KIF24: variants seen among roughly 807,000 people sequenced by gnomAD.
The protein encoded by KIF24 is kinesin family member 24.
KIF24 carries 81 observed loss-of-function variants against 118.9 expected under a neutral mutation model. That is an observed-to-expected ratio of 0.68 (90% CI 0.57 to 0.82). The LOEUF is 0.82. Among genes scored for constraint, KIF24 ranks in the 40% least tolerant of loss-of-function variants. The probability of loss-of-function intolerance (pLI) is 0.00; values close to 1 mark genes in which losing one functional copy is unlikely to be tolerated. For missense variants in KIF24, 1,560 were observed against 1,661.6 expected (o/e 0.94, Z 1.06); for synonymous variants, 599 against 610.0 (o/e 0.98, Z 0.27).
rs142364251 is a variant in KIF24 at position 34,320,379 on chromosome 9, C to T, written c.-26+8727G>A. ...AGAAAAGAAATAGGCTATAACCAGC[C>T]AGGCAGGGTGGCTCGTGCCTGTAAT... On this transcript the variant is annotated intron_variant, in intron 1 of 12. Coordinates refer to ENST00000402558, the MANE Select transcript of KIF24 (RefSeq NM_194313.4). Among the ~76,000 whole-genome samples the T allele has an allele frequency of 7.6e-3, 1,138 of 150,602 alleles. 17 individuals carry two copies. Among genetic ancestry groups the T allele is most frequent in the South Asian group, 0.048 (228 of 4,756 alleles).
chr9:34,311,407 G>C (rs1426452204), intron 1 of KIF24, 36 bp from the exon 2 acceptor site: 6 of 1,116,660 alleles, frequency 5.4e-6, no homozygotes, highest in Non-Finnish European at 6.2e-6. Context: ...GCTTGAAATA[G>C]AGTACATGTA....
At chr9:34,302,631 A>G (rs1025174619) in intron 3 of KIF24, among the ~76,000 whole-genome samples, 6 of 150,564 alleles carry the variant, frequency 4.0e-5, no homozygotes, top group Admixed American at 2.7e-4. Flanking sequence ...AGGCCCAGCT[A>G]ATTTTTGTAT....
Position 34,257,529 on chromosome 9 carries a change from C to A in KIF24, c.2078G>T (p.Gly693Val), listed in dbSNP as rs202009349. 6.2e-7 allele frequency: 1 copy of A among 1,614,060 alleles called. No homozygotes were observed. Among genetic ancestry groups the A allele is most frequent in the South Asian group, 1.1e-5 (1 of 91,088 alleles). The change falls in exon 11 of 13, where the codon GGC becomes GTC. Residue 693 changes from glycine (G) to valine (V), a missense_variant. Gly to Val is a moderately radical substitution (Grantham distance 109). Coordinates refer to ENST00000402558, the MANE Select transcript of KIF24 (RefSeq NM_194313.4). ...WESRASGPGEGLVRGKLSTKC... is the reference protein window; with the variant it reads ...WESRASGPGEVLVRGKLSTKC... ...GGTGGACAGCTTACCACGCACTAGG[C>A]CTTCTCCTGGGCCTGAGGCCCTGCT... is the stretch of plus-strand genomic sequence containing the variant.
chr9:34,266,573 G>A (rs1191117243), intron 8 of KIF24, among the ~76,000 whole-genome samples: 1 of 151,908 alleles, frequency 6.6e-6, no homozygotes, highest in African/African-American at 2.4e-5. Flanking sequence ...AGCTACTCGG[G>A]AGGCTGAGGC....
chr9:34,263,099 A>C lies in KIF24; in HGVS notation c.1515+2T>G, dbSNP rs772678896. ...AAACTCAAGGCTCACATTTAACTTT[A>C]CCTGAGTTAGTTTGCTTTGCCTGAA... On this transcript the variant is annotated splice_donor_variant, in intron 9 of 12. Transcript: ENST00000402558. LOFTEE classifies it high-confidence loss of function. 6.2e-7 allele frequency: 1 copy of C among 1,608,822 alleles called. No homozygotes were observed. The highest frequency in any genetic ancestry group is 1.1e-5 in the South Asian group (1 of 90,698).
chr9:34,286,583 G>A, intron 6 of KIF24, 34 bp downstream of exon 6: 1 of 1,423,882 alleles, frequency 7.0e-7, no homozygotes. Context: ...TTACACTGTT[G>A]TGGTGGGGTA....
At chr9:34,281,398 C>T (rs1835846407) in intron 6 of KIF24, among the ~76,000 whole-genome samples, 1 of 152,130 alleles carries the variant, frequency 6.6e-6, no homozygotes, top group Non-Finnish European at 1.5e-5. Flanking sequence ...AAAAAGGCTT[C>T]AGAGTGAGAT....
intron 1 of KIF24, chr9:34,319,150 G>C (rs1837431550): frequency 6.3e-7 from 1 of 1,590,856 alleles, no homozygotes; most frequent in Non-Finnish European, 8.6e-7. Flanking sequence ...ATGACAATGA[G>C]AAGGAAAAGC....
chr9:34,325,692 A>G (rs1341772140), intron 1 of KIF24, among the ~76,000 whole-genome samples: 4 of 152,190 alleles, frequency 2.6e-5, no homozygotes, highest in Non-Finnish European at 5.9e-5. Context: ...ACTATCTCAG[A>G]AAAAAATATA....
At chr9:34,316,881 C>T in intron 1 of KIF24, among the ~76,000 whole-genome samples, 1 of 151,098 alleles carries the variant, frequency 6.6e-6, no homozygotes, top group Non-Finnish European at 1.5e-5. Flanking sequence ...ACCAGCCTGG[C>T]CAGCCTGGTG....
intron 4 of KIF24, among the ~76,000 whole-genome samples, chr9:34,293,461 C>T (rs1466759829): frequency 8.5e-6 from 1 of 117,108 alleles, no homozygotes; most frequent in Non-Finnish European, 1.7e-5. Context: ...GCCTGAGTGT[C>T]AGTGAGACTC....
chr9:34,292,029 C>A lies in KIF24; in HGVS notation c.912-1640G>T, dbSNP rs116946785. Among the ~76,000 whole-genome samples the A allele has an allele frequency of 0.014, 2,125 of 152,264 alleles. 89 individuals carry two copies. The East Asian group carries it at 0.16, about 12-fold the overall frequency. ...TAAAACAGTTGTGTTGAATTTCACC[C>A]TGGCAATGTCAATTGATAGCTTATC... On this transcript the variant is annotated intron_variant, in intron 4 of 12. Transcript: ENST00000402558.
chr9:34,274,804 G>A (rs1157388847), intron 6 of KIF24, among the ~76,000 whole-genome samples: 1 of 88,706 alleles, frequency 1.1e-5, no homozygotes, highest in African/African-American at 3.7e-5. Flanking sequence ...ATGGAGTACC[G>A]TTCAGCCATG....
At chr9:34,284,483 T>C (rs1212387212) in intron 6 of KIF24, among the ~76,000 whole-genome samples, 1 of 152,078 alleles carries the variant, frequency 6.6e-6, no homozygotes, top group African/African-American at 2.4e-5. Context: ...TATATTCCTA[T>C]GATAAAACAC....
chr9:34,307,402 A>T (rs763891257), intron 2 of KIF24, among the ~76,000 whole-genome samples: 5 of 127,998 alleles, frequency 3.9e-5, no homozygotes, highest in South Asian at 2.2e-4. Context: ...GAATTGGTTT[A>T]AAAAAAAAAA....
chr9:34,306,619 G>A (rs1478850068), intron 2 of KIF24, among the ~76,000 whole-genome samples, 178 bp from the exon 3 acceptor site: 2 of 152,036 alleles, frequency 1.3e-5, no homozygotes, highest in African/African-American at 2.4e-5. Context: ...TGGCTAACAC[G>A]GTGAAACCCC....
Position 34,254,369 on chromosome 9 carries a change from A to G in KIF24, c.*11T>C. ...TGCAGGGCCCCCACCATCTCGGCAC[A>G]GGGTCTGGCTCTAAGACGGCACTGT... On this transcript the variant is annotated 3_prime_UTR_variant, in exon 13 of 13. Coordinates refer to ENST00000402558, the MANE Select transcript of KIF24 (RefSeq NM_194313.4). 3 of 1,608,256 alleles carry G rather than the reference A, an allele frequency of 1.9e-6. No homozygotes were observed. The highest frequency in any genetic ancestry group is 2.5e-6 in the Non-Finnish European group (3 of 1,178,186).
At chr9:34,287,910 T>TAAA (rs79148065) in intron 5 of KIF24, among the ~76,000 whole-genome samples, 6 of 132,000 alleles carry the variant, frequency 4.5e-5, no homozygotes, top group Admixed American at 2.3e-4. Context: ...CATCTCTGTT[T>TAAA]AAAAAAAAAA....
intron 6 of KIF24, among the ~76,000 whole-genome samples, chr9:34,285,643 C>T (rs191145763): frequency 4.0e-5 from 6 of 151,866 alleles, no homozygotes; most frequent in Admixed American, 2.6e-4. Context: ...GGCGTGGTGG[C>T]GGGTGCCTGT....
Sources: allele counts gnomAD v4.1 joint callset (sites outside exome capture counted in the v4.1 genomes callset), GRCh38; gene constraint gnomAD v4.1.1; transcripts MANE v1.5; gene names NCBI Gene and HGNC (gene_info 2026-07-23, HGNC 2026-07-21).